The following EPM2A variants were observed in gnomAD, a reference collection of about 807,000 sequenced individuals.
EPM2A encodes the protein laforin.
In EPM2A, 21 loss-of-function variants were observed where a neutral mutation model predicts 26.5. The observed-to-expected ratio is 0.79, with a 90% CI of 0.56 to 1.14. The LOEUF is 1.14. Ranked by LOEUF, EPM2A falls within the 50% of genes most tolerant of loss-of-function variation. The pLI is 0.00. For missense variants in EPM2A, 458 were observed against 440.8 expected, an observed-to-expected ratio of 1.04 and a Z score of -0.35; for synonymous variants, 217 against 177.6, an observed-to-expected ratio of 1.22 and a Z score of -1.76.
chr6:145,600,775 C>T (rs1240731925), intron 2 of EPM2A, among the ~76,000 whole-genome samples: 1 of 152,190 alleles, frequency 6.6e-6, no homozygotes, highest in Non-Finnish European at 1.5e-5. Flanking sequence ...TTCCTTTAGG[C>T]AGTTTATCCT....
chr6:145,619,029 A>ATT (rs1332848424), intron 2 of EPM2A, among the ~76,000 whole-genome samples: 1 of 152,134 alleles, frequency 6.6e-6, no homozygotes, highest in Non-Finnish European at 1.5e-5. Context: ...AATGAAAGTA[A>ATT]TTTGTCAAAT....
At chr6:145,528,014 C>T (rs911720753) in intron 2 of EPM2A, among the ~76,000 whole-genome samples, 1 of 152,070 alleles carries the variant, frequency 6.6e-6, no homozygotes, top group African/African-American at 2.4e-5. Flanking sequence ...AATAGAATTT[C>T]AAACTAGCCA....
intron 2 of EPM2A, among the ~76,000 whole-genome samples, chr6:145,562,160 A>T (rs1780815651): frequency 6.6e-6 from 1 of 151,664 alleles, no homozygotes; most frequent in African/African-American, 2.4e-5. Flanking sequence ...ATATGTATAC[A>T]TTGTTGAATG....
In EPM2A at chr6:145,506,907, G is replaced by T. The variant is rs76163682; in HGVS notation, c.341-4332C>A. Among the ~76,000 whole-genome samples, 1,169 of 152,270 alleles carry T rather than the reference G, an allele frequency of 7.7e-3. 16 individuals carry two copies. The highest frequency in any genetic ancestry group is 0.027 in the African/African-American group (1,113 of 41,536). On this transcript the variant is annotated intron_variant, in intron 2 of 3. Transcript: ENST00000450221. ...AGAATAGATGAGAAACAAGCAAATAGGGTCCAGGATGCTTGCTGTGAACAC... is the reference window on the plus strand; with the variant it reads ...AGAATAGATGAGAAACAAGCAAATATGGTCCAGGATGCTTGCTGTGAACAC...
At chr6:145,513,069 T>A (rs183002208) in intron 2 of EPM2A, among the ~76,000 whole-genome samples, 1 of 152,108 alleles carries the variant, frequency 6.6e-6, no homozygotes, top group Non-Finnish European at 1.5e-5. Flanking sequence ...TGAGATTTAA[T>A]CAAACTAAAA....
chr6:145,543,777 TC>T (rs1478424887), intron 2 of EPM2A, among the ~76,000 whole-genome samples: 1 of 152,156 alleles, frequency 6.6e-6, no homozygotes, highest in East Asian at 1.9e-4. Flanking sequence ...CTTTGTCATG[TC>T]CTTTCTCTCC....
intron 2 of EPM2A, among the ~76,000 whole-genome samples, chr6:145,580,429 G>A (rs1781097030): frequency 6.6e-6 from 1 of 152,050 alleles, no homozygotes; most frequent in Non-Finnish European, 1.5e-5. Flanking sequence ...TTAATTGACT[G>A]CTACATTTAA....
chr6:145,427,160 C>A (rs1362056065), intron 4 of EPM2A, among the ~76,000 whole-genome samples: 1 of 152,142 alleles, frequency 6.6e-6, no homozygotes, highest in Non-Finnish European at 1.5e-5. Flanking sequence ...CCTTAGACAG[C>A]CAATATCAAG....
chr6:145,473,021 C>T (rs1363931923), intron 4 of EPM2A, among the ~76,000 whole-genome samples: 1 of 151,892 alleles, frequency 6.6e-6, no homozygotes, highest in African/African-American at 2.4e-5. Context: ...CAACACTATC[C>T]AGGAAAACAT....
chr6:145,722,270 T>C (rs1304663304), intron 1 of EPM2A, among the ~76,000 whole-genome samples: 3 of 152,150 alleles, frequency 2.0e-5, no homozygotes, highest in African/African-American at 7.2e-5. Context: ...TCATTTTGGC[T>C]GAAACAACAC....
At chr6:145,599,638 T>C in intron 2 of EPM2A, among the ~76,000 whole-genome samples, 1 of 152,124 alleles carries the variant, frequency 6.6e-6, no homozygotes, top group Non-Finnish European at 1.5e-5. Context: ...TTTTCTTATA[T>C]ATTGGAATCT....
intron 2 of EPM2A, among the ~76,000 whole-genome samples, chr6:145,647,644 A>T (rs1045464341): frequency 6.6e-6 from 1 of 152,062 alleles, no homozygotes; most frequent in Non-Finnish European, 1.5e-5. Flanking sequence ...TGCATCCAGC[A>T]TATAGTTATA....
Position 145,713,197 on chromosome 6 carries a change from G to A in EPM2A, c.301+22001C>T, listed in dbSNP as rs192266833. Reference sequence around the variant, plus strand: ...GTAAAGCACTGTACGAAACTAATGCGTGCATTTCACACTAAAAGCTTCAGT... The same window carrying A: ...GTAAAGCACTGTACGAAACTAATGCATGCATTTCACACTAAAAGCTTCAGT... On this transcript the variant is annotated intron_variant, in intron 1 of 3. Transcript: ENST00000367519. 1.1e-4 allele frequency among the ~76,000 whole-genome samples: 16 copies of A among 152,174 alleles called. No homozygotes were observed. The East Asian group carries it at 2.1e-3, about 20-fold the overall frequency.
In EPM2A at chr6:145,479,270, CTA is replaced by C. The variant is rs560964697; in HGVS notation, c.555+23250_555+23251del. Among the ~76,000 whole-genome samples, 1,076 of 143,844 alleles carry C rather than the reference CTA, an allele frequency of 7.5e-3. 7 individuals carry two copies. Among genetic ancestry groups the C allele is most frequent in the African/African-American group, 0.026 (1,014 of 39,742 alleles). 94.4% of individuals were successfully genotyped at this position (143,844 alleles called of 152,430 possible). On this transcript the variant is annotated intron_variant, in intron 4 of 4. Transcript: ENST00000638717. ...AAAATTAGCCAATTAGCCATTTTAA[CTA>C]TATATATATATATGATTTAACTATA...
At chr6:145,572,548 A>C (rs2092296) in intron 2 of EPM2A, among the ~76,000 whole-genome samples, 65,222 of 151,976 alleles carry the variant, frequency 0.43, 14,559 homozygotes, top group African/African-American at 0.52. Flanking sequence ...GTGATGACCC[A>C]TATGCAAATG....
chr6:145,515,230 G>A (rs1239691705), intron 2 of EPM2A, among the ~76,000 whole-genome samples: 1 of 152,160 alleles, frequency 6.6e-6, no homozygotes, highest in Non-Finnish European at 1.5e-5. Flanking sequence ...CTCTAGAACT[G>A]AAATATGGTT....
intron 1 of EPM2A, among the ~76,000 whole-genome samples, chr6:145,709,936 C>T (rs889295971): frequency 1.3e-5 from 2 of 152,140 alleles, no homozygotes; most frequent in African/African-American, 4.8e-5. Context: ...GAAACTGGAT[C>T]CCTTCCTTAC....
At chr6:145,461,082 T>G (rs1779324028) in intron 4 of EPM2A, among the ~76,000 whole-genome samples, 1 of 152,186 alleles carries the variant, frequency 6.6e-6, no homozygotes, top group Non-Finnish European at 1.5e-5. Flanking sequence ...CCTAAGTATT[T>G]AAATCCTTTT....
chr6:145,535,203 C>T (rs1304481565), intron 2 of EPM2A, among the ~76,000 whole-genome samples: 2 of 152,204 alleles, frequency 1.3e-5, no homozygotes, highest in Non-Finnish European at 2.9e-5. Context: ...GGCAAGGCTC[C>T]AGAGAGTCCA....
Sources: allele counts gnomAD v4.1 joint callset (sites outside exome capture counted in the v4.1 genomes callset), GRCh38; gene constraint gnomAD v4.1.1; transcripts MANE v1.5; gene names NCBI Gene and HGNC (gene_info 2026-07-23, HGNC 2026-07-21).